The following LYPD6 variants were observed in gnomAD, a reference collection of about 807,000 sequenced individuals.
LYPD6 encodes the protein ly6/PLAUR domain-containing protein 6.
In LYPD6, 15 loss-of-function variants were observed where a neutral mutation model predicts 22.7. The observed-to-expected ratio is 0.66, with a 90% CI of 0.44 to 1.02. The LOEUF is 1.02. LYPD6 is among the 50% of genes least tolerant of loss of function. LYPD6 has a pLI of 0.00. For synonymous variants in LYPD6, 72 were observed against 77.5 expected (o/e 0.93, Z 0.37); for missense variants, 189 against 208.4 (o/e 0.91, Z 0.57).
the LYPD6 span, among the ~76,000 whole-genome samples, chr2:149,486,335 G>A: frequency 6.6e-6 from 1 of 152,152 alleles, no homozygotes; most frequent in Non-Finnish European, 1.5e-5. Context: ...CTGCTCAGGT[G>A]TTTCGATAAG....
chr2:149,485,857 G>C, the LYPD6 span, among the ~76,000 whole-genome samples: 4 of 152,164 alleles, frequency 2.6e-5, no homozygotes, highest in African/African-American at 9.7e-5. Context: ...ATGGAGCCAG[G>C]TTCTGCAGGC....
the LYPD6 span, among the ~76,000 whole-genome samples, chr2:149,479,531 C>G: frequency 6.6e-6 from 1 of 152,218 alleles, no homozygotes; most frequent in Non-Finnish European, 1.5e-5. Flanking sequence ...CCCAGGCTCA[C>G]CTCGTCTAGT....
downstream of LYPD6, among the ~76,000 whole-genome samples, chr2:149,475,460 C>T (rs906136141): frequency 9.9e-5 from 15 of 152,144 alleles, no homozygotes; most frequent in African/African-American, 3.1e-4. Flanking sequence ...ACATTTCTGA[C>T]ATAATTTGGT....
chr2:149,356,077 T>C (rs1450178342), intron 1 of LYPD6, among the ~76,000 whole-genome samples: 1 of 151,606 alleles, frequency 6.6e-6, no homozygotes, highest in Non-Finnish European at 1.5e-5. Flanking sequence ...TTTAATACTC[T>C]TTTCCCACTT....
chr2:149,333,226 GTTAGAGAGAAATCATATTT>G (rs2105041242), intron 1 of LYPD6, among the ~76,000 whole-genome samples: 1 of 152,324 alleles, frequency 6.6e-6, no homozygotes, highest in African/African-American at 2.4e-5. Flanking sequence ...GAAGACATTG[GTTAGAGAGAAATCATATTT>G]TTACTTGCAA....
At position 149,336,786 on chromosome 2, in the gene LYPD6, C is replaced by T. The variant is rs190197938; in HGVS notation, c.-72+6064C>T. Among the ~76,000 whole-genome samples the T allele has an allele frequency of 5.9e-5, 9 of 152,146 alleles. No individual in the cohort carries two copies. The East Asian group carries it at 1.5e-3, about 26-fold the overall frequency. On this transcript the variant is annotated intron_variant, in intron 1 of 4. Coordinates refer to ENST00000334166, the MANE Select transcript of LYPD6 (RefSeq NM_194317.5). ...TGAAAATAAGATTTAGTATTATAAC[C>T]TCAGGTTTCATGTAGTGTTAATAGA...
upstream of LYPD6, chr2:149,330,432 C>G (rs1241727535): frequency 6.7e-6 from 1 of 150,250 alleles, no homozygotes; most frequent in Non-Finnish European, 1.5e-5. Context: ...AATGAGCGCG[C>G]CCCGCGGAGG....
chr2:149,382,699 C>T (rs1320715437), intron 1 of LYPD6, among the ~76,000 whole-genome samples: 2 of 152,204 alleles, frequency 1.3e-5, no homozygotes, highest in South Asian at 2.1e-4. Flanking sequence ...TTCAACTGTG[C>T]ACAAATTCTG....
At chr2:149,368,532 C>G (rs1681730284) in intron 1 of LYPD6, among the ~76,000 whole-genome samples, 1 of 151,844 alleles carries the variant, frequency 6.6e-6, no homozygotes, top group Non-Finnish European at 1.5e-5. Flanking sequence ...GACCCTGTCT[C>G]TACAAATAAA....
intron 1 of LYPD6, among the ~76,000 whole-genome samples, chr2:149,407,298 A>T (rs1682738237): frequency 6.6e-6 from 1 of 152,296 alleles, no homozygotes; most frequent in African/African-American, 2.4e-5. Context: ...AGATTGGGGA[A>T]GTTCTCCTGG....
At chr2:149,485,266 A>G in the LYPD6 span, among the ~76,000 whole-genome samples, 1 of 152,226 alleles carries the variant, frequency 6.6e-6, no homozygotes, top group African/African-American at 2.4e-5. Flanking sequence ...TAGACTAAAG[A>G]AAAGCAAGTT....
intron 1 of LYPD6, among the ~76,000 whole-genome samples, chr2:149,340,247 T>C (rs1189407025): frequency 6.6e-6 from 1 of 152,188 alleles, no homozygotes; most frequent in Non-Finnish European, 1.5e-5. Context: ...TAGTGCCTTG[T>C]AGTATAACAT....
chr2:149,435,533 C>A (rs770281889), intron 1 of LYPD6, among the ~76,000 whole-genome samples: 8 of 151,234 alleles, frequency 5.3e-5, no homozygotes, highest in Non-Finnish European at 8.8e-5. Context: ...ACCTTACCAA[C>A]CTCACCATGC....
At chr2:149,428,354 A>G (rs770903236) in intron 1 of LYPD6, among the ~76,000 whole-genome samples, 6 of 152,222 alleles carry the variant, frequency 3.9e-5, no homozygotes, top group Non-Finnish European at 7.3e-5. Flanking sequence ...TAAGGCTTCT[A>G]TAATAATTAA....
At chr2:149,394,660 A>G (rs1369801029) in intron 1 of LYPD6, among the ~76,000 whole-genome samples, 1 of 152,070 alleles carries the variant, frequency 6.6e-6, no homozygotes, top group South Asian at 2.1e-4. Context: ...CTCTCTACAC[A>G]TGCACTGGTG....
intron 1 of LYPD6, among the ~76,000 whole-genome samples, chr2:149,366,419 T>G (rs1424752576): frequency 6.6e-6 from 1 of 152,164 alleles, no homozygotes; most frequent in African/African-American, 2.4e-5. Context: ...CCCTGACCCC[T>G]TGGCAGAGAA....
chr2:149,462,594 C>T (rs901164745), intron 3 of LYPD6, among the ~76,000 whole-genome samples: 2 of 150,814 alleles, frequency 1.3e-5, no homozygotes, highest in African/African-American at 4.9e-5. Context: ...AGATAAGAAA[C>T]TGGTATAGCT....
At chr2:149,424,177 T>C (rs1368239552) in intron 1 of LYPD6, among the ~76,000 whole-genome samples, 1 of 152,200 alleles carries the variant, frequency 6.6e-6, no homozygotes, top group Non-Finnish European at 1.5e-5. Context: ...GCAGTTATTA[T>C]GATTACTTCT....
chr2:149,443,658 T>C (rs1683616805), intron 2 of LYPD6, among the ~76,000 whole-genome samples: 1 of 152,186 alleles, frequency 6.6e-6, no homozygotes, highest in Non-Finnish European at 1.5e-5. Context: ...AAATATTTTA[T>C]ATGATTAATT....
Sources: allele counts gnomAD v4.1 joint callset (sites outside exome capture counted in the v4.1 genomes callset), GRCh38; gene constraint gnomAD v4.1.1; transcripts MANE v1.5; gene names NCBI Gene and HGNC (gene_info 2026-07-23, HGNC 2026-07-21).